WRNIP1: variants seen among roughly 807,000 people sequenced by gnomAD.
WRNIP1 encodes the protein ATPase WRNIP1.
A neutral mutation model predicts 56.1 loss-of-function variants in WRNIP1; 41 were observed. The observed-to-expected ratio is 0.73, with a 90% CI of 0.57 to 0.95. WRNIP1 has a LOEUF of 0.95. Ranked by LOEUF, WRNIP1 falls within the 40% of genes least tolerant of loss-of-function variation. The pLI, the probability that WRNIP1 is intolerant of heterozygous loss-of-function variation, is 0.00. For missense variants in WRNIP1, 1,170 were observed against 939.4 expected, an observed-to-expected ratio of 1.25 and a Z score of -3.21; for synonymous variants, 547 against 398.1, an observed-to-expected ratio of 1.37 and a Z score of -4.45.
At chr6:2,776,625 C>G (rs1323654353) in intron 3 of WRNIP1, among the ~76,000 whole-genome samples, 1 of 152,190 alleles carries the variant, frequency 6.6e-6, no homozygotes, top group African/African-American at 2.4e-5. Context: ...AAGACTTATT[C>G]ACAGCATACT....
chr6:2,767,617 A>G (rs1765081441), intron 1 of WRNIP1, among the ~76,000 whole-genome samples: 1 of 152,348 alleles, frequency 6.6e-6, no homozygotes, highest in Non-Finnish European at 1.5e-5. Context: ...CCATGGATTT[A>G]GTTGTTAACC....
rs763594653 is a variant in WRNIP1 at position 2,784,307 on chromosome 6, G to T, written c.1643-17G>T. 5 of 1,610,920 alleles carry T rather than the reference G, an allele frequency of 3.1e-6. No individual in the cohort carries two copies. In the South Asian group the frequency reaches 5.5e-5, roughly 18 times the overall value. On this transcript the variant is annotated splice_polypyrimidine_tract_variant and intron_variant, in intron 5 of 6. Coordinates refer to ENST00000380773, the MANE Select transcript of WRNIP1 (RefSeq NM_020135.3). ...TGTGTCATGACTGAAACTCTCCTTT[G>T]TCTCTGTGTGTGGCAGGTCTGGCAG...
At chr6:2,781,288 C>T (rs570939875) in intron 4 of WRNIP1, among the ~76,000 whole-genome samples, 2 of 152,302 alleles carry the variant, frequency 1.3e-5, no homozygotes, top group African/African-American at 4.8e-5. Context: ...TGCCTAGTGC[C>T]GCTGCCTAGT....
intron 3 of WRNIP1, chr6:2,773,084 C>T (rs1279762575): frequency 4.5e-5 from 44 of 985,240 alleles, no homozygotes; most frequent in East Asian, 1.1e-4. Flanking sequence ...ATCAAGCTGC[C>T]GCTTAGCCGT....
rs1385919578 is a variant in WRNIP1, at chr6:2,779,246, C to A, written c.1257-17C>A. On this transcript the variant is annotated splice_polypyrimidine_tract_variant and intron_variant, in intron 3 of 6. Coordinates refer to ENST00000380773, the MANE Select transcript of WRNIP1 (RefSeq NM_020135.3). ...GCAGCCTGAGTGTGACCGTAACTAA[C>A]CCTGCTTGTGTTTCAGGCCCGCCAT... is the stretch of plus-strand genomic sequence containing the variant. 1.2e-6 allele frequency: 2 copies of A among 1,612,986 alleles called. No homozygotes were observed. Among genetic ancestry groups the A allele is most frequent in the South Asian group, 2.2e-5 (2 of 90,950 alleles).
chr6:2,783,656 A>AGGGG (rs1765634742), intron 5 of WRNIP1, 95 bp downstream of exon 5: 11 of 2,804 alleles, frequency 3.9e-3, no homozygotes, highest in African/African-American at 0.01. Flanking sequence ...TTTTTTTTGC[A>AGGGG]GGGCGGGGTG....
At chr6:2,766,935 GTATT>G (rs1279144447) in intron 1 of WRNIP1, among the ~76,000 whole-genome samples, 6 of 152,046 alleles carry the variant, frequency 3.9e-5, no homozygotes, top group Admixed American at 6.5e-5. Context: ...TAACAGACTG[GTATT>G]TATTCTTAAG....
Position 2,766,134 on chromosome 6 carries a change from ACGGCGATGGC to A in WRNIP1, c.513_522del (p.Asp171GlufsTer108). On this transcript the variant is annotated frameshift_variant, in exon 1 of 7. Transcript: ENST00000380773. LOFTEE classifies it high-confidence loss of function. ...CAGGAGGAGGAGGAGGCCGTGGGCG[ACGGCGATGGC>A]GACGGGGACGCGGACGCGGACGGCG... The A allele has an allele frequency of 8.1e-7, 1 of 1,240,568 alleles. No individual in the cohort carries two copies. 76.8% of individuals were successfully genotyped at this position (1,240,568 alleles called of 1,614,324 possible). A position where few individuals can be genotyped will look rare whatever the true frequency, so the allele number is the denominator to read the frequency against.
At chr6:2,782,019 A>T (rs1765572818) in intron 4 of WRNIP1, among the ~76,000 whole-genome samples, 1 of 152,242 alleles carries the variant, frequency 6.6e-6, no homozygotes, top group Non-Finnish European at 1.5e-5. Flanking sequence ...GTGGGAAAAG[A>T]TGACTAACCT....
intron 5 of WRNIP1, 130 bp from the exon 6 acceptor site, chr6:2,784,194 C>A: frequency 1.4e-6 from 1 of 704,264 alleles, no homozygotes; most frequent in Non-Finnish European, 2.4e-6. Context: ...CTAAGTCAGG[C>A]TGTTTTGCTA....
At position 2,786,923 on chromosome 6, in the gene WRNIP1, A is replaced by G. The variant is rs573878634; in HGVS notation, c.*1641A>G. 4.6e-5 allele frequency: 7 copies of G among 151,376 alleles called. No individual in the cohort carries two copies. Among genetic ancestry groups the G allele is most frequent in the Admixed American group, 1.3e-4 (2 of 15,214 alleles). The allele number at this position is 151,376 out of a possible 1,614,324, so 9.4% of individuals were successfully genotyped here. A position where few individuals can be genotyped will look rare whatever the true frequency, so the allele number is the denominator to read the frequency against. On this transcript the variant is annotated 3_prime_UTR_variant, in exon 7 of 7. Coordinates refer to ENST00000380773, the MANE Select transcript of WRNIP1 (RefSeq NM_020135.3). The stretch of plus-strand genomic sequence containing the variant: ...ATAAATTTATTTATTTATGAGACCA[A>G]CTCTTGCTCTTTTTCCCAGGCTGGA...
Position 2,768,682 on chromosome 6 carries a change from C to T in WRNIP1, c.823-9C>T. The T allele has an allele frequency of 6.3e-7, 1 of 1,587,710 alleles. No homozygotes were observed. The highest frequency in any genetic ancestry group is 8.6e-7 in the Non-Finnish European group (1 of 1,165,164). On this transcript the variant is annotated splice_polypyrimidine_tract_variant and intron_variant, in intron 1 of 6. Coordinates refer to ENST00000380773, the MANE Select transcript of WRNIP1 (RefSeq NM_020135.3). ...GCTTTTCAAACTCCATGTATGTCAT[C>T]TTTTCTAGACCACTCTGGCTCACAT...
At chr6:2,774,686 C>T (rs1025013132) in intron 3 of WRNIP1, among the ~76,000 whole-genome samples, 2 of 152,212 alleles carry the variant, frequency 1.3e-5, no homozygotes, top group African/African-American at 4.8e-5. Context: ...CTACAGACCC[C>T]TACCAAGTAT....
At chr6:2,779,203 GTGCAGAACAAGAAGTA>G in intron 3 of WRNIP1, 44 bp from the exon 4 acceptor site, 1 of 1,548,382 alleles carries the variant, frequency 6.5e-7, no homozygotes, top group Non-Finnish European at 8.9e-7. Context: ...TCTAAGACAT[GTGCAGAACAAGAAGTA>G]TGCAGCCTGA....
intron 3 of WRNIP1, among the ~76,000 whole-genome samples, chr6:2,770,593 T>C (rs747340105): frequency 6.6e-6 from 1 of 152,254 alleles, no homozygotes; most frequent in African/African-American, 2.4e-5. Context: ...TCTATAATTC[T>C]TCAAGCTTTA....
intron 5 of WRNIP1, 112 bp downstream of exon 5, chr6:2,783,673 G>GCCCCCCC: frequency 1.5e-5 from 6 of 404,222 alleles, no homozygotes; most frequent in Non-Finnish European, 2.2e-5. Context: ...GGTGGGCGGG[G>GCCCCCCC]GTAGCAGGAA....
intron 1 of WRNIP1, 52 bp downstream of exon 1, chr6:2,766,496 C>G: frequency 6.9e-7 from 1 of 1,448,956 alleles, no homozygotes; most frequent in Non-Finnish European, 9.2e-7. Flanking sequence ...GCGGTGGATG[C>G]AGCTGATGGT....
intron 5 of WRNIP1, 112 bp downstream of exon 5, chr6:2,783,673 G>GGGGCCCCC: frequency 2.5e-6 from 1 of 404,230 alleles, no homozygotes; most frequent in Non-Finnish European, 4.4e-6. Context: ...GGTGGGCGGG[G>GGGGCCCCC]GTAGCAGGAA....
chr6:2,776,981 T>G (rs1468538066), intron 3 of WRNIP1, among the ~76,000 whole-genome samples: 2 of 152,214 alleles, frequency 1.3e-5, no homozygotes, highest in Non-Finnish European at 2.9e-5. Context: ...AATTATTTAA[T>G]GGTTAAGGAT....
Sources: gnomAD v4.1 joint callset for allele counts (sites outside exome capture counted in the v4.1 genomes callset) on GRCh38, gnomAD v4.1.1 for gene constraint, MANE v1.5 for transcripts, NCBI Gene and HGNC (gene_info 2026-07-23, HGNC 2026-07-21) for gene names.